Variants in FHOD3 observed in about 807,000 individuals in gnomAD.
The protein encoded by FHOD3 is FH1/FH2 domain-containing protein 3.
A neutral mutation model predicts 173.0 loss-of-function variants in FHOD3; 90 were observed. The observed-to-expected ratio is 0.52, with a 90% CI of 0.44 to 0.62. The LOEUF is 0.62. Ranked by LOEUF, FHOD3 falls within the 20% of genes least tolerant of loss-of-function variation. FHOD3 has a pLI of 0.00. For synonymous variants in FHOD3, 828 were observed against 823.0 expected, an observed-to-expected ratio of 1.01 and a Z score of -0.10; for missense variants, 1,945 against 2,034.7, an observed-to-expected ratio of 0.96 and a Z score of 0.85.
At chr18:36,416,938 A>T (rs1053751436) in intron 3 of FHOD3, among the ~76,000 whole-genome samples, 7 of 150,632 alleles carry the variant, frequency 4.6e-5, no homozygotes, top group Non-Finnish European at 7.4e-5. Flanking sequence ...CTTCATTCCC[A>T]CCCACCACTC....
chr18:36,772,942 T>C (rs1314874249), intron 28 of FHOD3, among the ~76,000 whole-genome samples: 1 of 152,192 alleles, frequency 6.6e-6, no homozygotes, highest in Non-Finnish European at 1.5e-5. Flanking sequence ...AGGGTACCTA[T>C]GCATGAGCAC....
Position 36,717,834 on chromosome 18 carries a change from T to G in FHOD3, c.2536T>G (p.Leu846Val). 6.4e-7 allele frequency: 1 copy of G among 1,563,418 alleles called. No homozygotes were observed. Among genetic ancestry groups the G allele is most frequent in the Non-Finnish European group, 8.7e-7 (1 of 1,153,802 alleles). ...DKLSRDRTTG[L>V]WPAGVQDAGV... ...TTTTCTCTCCCATGTACTTTCAGGTTTGTGGCCCGCAGGTGTCCAGGATGC... is the reference window on the plus strand; with the variant it reads ...TTTTCTCTCCCATGTACTTTCAGGTGTGTGGCCCGCAGGTGTCCAGGATGC... Residue 846 changes from leucine to valine, a missense_variant and splice_region_variant, in exon 19 of 29, where the codon TTG (leucine) becomes GTG (valine). By Grantham distance (32) the Leu-to-Val change is conservative. Transcript: ENST00000590592.
intron 10 of FHOD3, among the ~76,000 whole-genome samples, chr18:36,639,770 C>T (rs28409079): frequency 0.073 from 10,921 of 150,562 alleles, 675 homozygotes; most frequent in East Asian, 0.23. Context: ...TTGCAGTGAG[C>T]CGAGATCGTG....
chr18:36,316,230 C>T (rs1290051411), intron 1 of FHOD3, among the ~76,000 whole-genome samples: 2 of 152,044 alleles, frequency 1.3e-5, no homozygotes, highest in African/African-American at 4.8e-5. Flanking sequence ...GTTTAAATTT[C>T]ATTATTCTAG....
chr18:36,379,885 T>A (rs1372576688), intron 3 of FHOD3, among the ~76,000 whole-genome samples: 1 of 152,198 alleles, frequency 6.6e-6, no homozygotes, highest in Non-Finnish European at 1.5e-5. Context: ...GGAAACAAAA[T>A]GCTTTGTCTT....
At chr18:36,385,014 G>T (rs1314347239) in intron 3 of FHOD3, among the ~76,000 whole-genome samples, 9 of 152,174 alleles carry the variant, frequency 5.9e-5, no homozygotes, top group African/African-American at 1.2e-4. Context: ...TGACTTTAGA[G>T]TGTCTGATCT....
At chr18:36,607,100 C>T (rs2032165211) in intron 8 of FHOD3, among the ~76,000 whole-genome samples, 1 of 152,206 alleles carries the variant, frequency 6.6e-6, no homozygotes, top group East Asian at 1.9e-4. Flanking sequence ...CTGCCTCACT[C>T]CCGTGGCTCC....
chr18:36,340,998 T>C (rs2045587461), intron 1 of FHOD3, among the ~76,000 whole-genome samples: 1 of 152,168 alleles, frequency 6.6e-6, no homozygotes, highest in South Asian at 2.1e-4. Flanking sequence ...TCCTTTGCCT[T>C]CCTTTCTTCC....
rs8097990 is a variant in FHOD3 at position 36,679,969 on chromosome 18, A to G, written c.1836-1467A>G. Among the ~76,000 whole-genome samples the G allele has an allele frequency of 4.3e-3, 649 of 152,356 alleles. 8 individuals carry two copies. Among genetic ancestry groups the G allele is most frequent in the African/African-American group, 0.015 (614 of 41,580 alleles). ...CAATTACTGTGCAAGAGGTATTACA[A>G]ACCTCTTTACTCTGATTGTTGATTA... On this transcript the variant is annotated intron_variant, in intron 14 of 28. Coordinates refer to ENST00000590592, the MANE Select transcript of FHOD3 (RefSeq NM_001281740.3).
intron 5 of FHOD3, among the ~76,000 whole-genome samples, chr18:36,569,948 A>C (rs916485557): frequency 5.3e-5 from 8 of 152,132 alleles, no homozygotes; most frequent in African/African-American, 1.9e-4. Flanking sequence ...CATTACCTGC[A>C]TATATTAGAA....
chr18:36,361,427 T>A lies in FHOD3; in HGVS notation c.272+5782T>A, dbSNP rs1220903920. Among the ~76,000 whole-genome samples, 3 of 152,114 alleles carry A rather than the reference T, an allele frequency of 2.0e-5. No homozygotes were observed. In the East Asian group the frequency reaches 5.8e-4, roughly 29 times the overall value. On this transcript the variant is annotated intron_variant, in intron 2 of 28. Coordinates refer to ENST00000590592, the MANE Select transcript of FHOD3 (RefSeq NM_001281740.3). ...CAGGCTGGGCATGGTGGCTCACGCT[T>A]GTAATCCCAGCACTTTGGGAGGCCA... is the stretch of plus-strand genomic sequence containing the variant.
intron 6 of FHOD3, among the ~76,000 whole-genome samples, chr18:36,589,752 G>A (rs959155356): frequency 3.3e-5 from 5 of 152,140 alleles, no homozygotes; most frequent in Non-Finnish European, 4.4e-5. Flanking sequence ...TGGTTGTCTT[G>A]AGACCACTGA....
chr18:36,669,255 G>C (rs2149301634), intron 14 of FHOD3, among the ~76,000 whole-genome samples: 1 of 151,160 alleles, frequency 6.6e-6, no homozygotes, highest in South Asian at 2.1e-4. Context: ...ACTTTATCTG[G>C]TATTAATATA....
rs112629163 is a variant in FHOD3 at position 36,660,497 on chromosome 18, C to T, written c.1835+2309C>T. 3.4e-3 allele frequency among the ~76,000 whole-genome samples: 514 copies of T among 152,280 alleles called. 2 individuals carry two copies. Among genetic ancestry groups the T allele is most frequent in the Non-Finnish European group, 5.5e-3 (376 of 68,020 alleles). ...AGTGTCAGAGTCCAAGAGAGATGACCGTGCCCAACATGGCACTGGCTGTGG... is the reference window on the plus strand; with the variant it reads ...AGTGTCAGAGTCCAAGAGAGATGACTGTGCCCAACATGGCACTGGCTGTGG... On this transcript the variant is annotated intron_variant, in intron 14 of 28. Coordinates refer to ENST00000590592, the MANE Select transcript of FHOD3 (RefSeq NM_001281740.3).
intron 2 of FHOD3, among the ~76,000 whole-genome samples, chr18:36,363,823 C>T (rs2046753055): frequency 7.5e-6 from 1 of 132,782 alleles, no homozygotes; most frequent in Non-Finnish European, 1.5e-5. Context: ...GTGTCAATAT[C>T]AGTTAATCTG....
chr18:36,693,525 G>A, intron 17 of FHOD3, 102 bp downstream of exon 17: 4 of 1,040,362 alleles, frequency 3.8e-6, no homozygotes, highest in Admixed American at 4.4e-5. Context: ...TACTGAGACA[G>A]CAACTATGGG....
intron 3 of FHOD3, among the ~76,000 whole-genome samples, chr18:36,486,523 C>T (rs2054200333): frequency 1.3e-5 from 2 of 152,144 alleles, no homozygotes; most frequent in South Asian, 4.2e-4. Flanking sequence ...CCACTGCCCC[C>T]AGCCCAAAGG....
intron 3 of FHOD3, among the ~76,000 whole-genome samples, chr18:36,480,748 C>A (rs145625053): frequency 6.6e-6 from 1 of 152,296 alleles, no homozygotes; most frequent in East Asian, 1.9e-4. Context: ...TAGAATAGAC[C>A]AACCTCCATA....
chr18:36,721,680 A>C (rs1225918326), intron 19 of FHOD3, among the ~76,000 whole-genome samples: 1 of 152,060 alleles, frequency 6.6e-6, no homozygotes, highest in Non-Finnish European at 1.5e-5. Flanking sequence ...CCCACATTAC[A>C]CTGGAGAGCT....
Sources: allele counts gnomAD v4.1 joint callset (sites outside exome capture counted in the v4.1 genomes callset), GRCh38; gene constraint gnomAD v4.1.1; transcripts MANE v1.5; gene names NCBI Gene and HGNC (gene_info 2026-07-23, HGNC 2026-07-21).